BRSK2: variants seen among roughly 807,000 people sequenced by gnomAD.
The protein encoded by BRSK2 is serine/threonine-protein kinase BRSK2.
Under a neutral mutation model 83.3 loss-of-function variants are expected in BRSK2, and 19 were observed. That is an observed-to-expected ratio of 0.23 (90% CI 0.16 to 0.33). The LOEUF is 0.33. Among genes scored for constraint, BRSK2 ranks in the 10% least tolerant of loss-of-function variants. BRSK2 has a pLI of 1.00. For synonymous variants in BRSK2, 519 were observed against 435.4 expected (o/e 1.19, Z -2.39); for missense variants, 798 against 1,042.3 (o/e 0.77, Z 3.23).
chr11:1,445,979 C>T (rs992308454), intron 12 of BRSK2, 72 bp downstream of exon 12: 83 of 1,512,934 alleles, frequency 5.5e-5, no homozygotes, highest in South Asian at 1.9e-4. Context: ...CCTGGCTCAT[C>T]GCTACCCATT....
chr11:1,452,639 C>A (rs764559120), intron 15 of BRSK2, among the ~76,000 whole-genome samples: 14 of 150,970 alleles, frequency 9.3e-5, no homozygotes, highest in South Asian at 4.2e-4. Context: ...GACACCCCTT[C>A]CCAAGGGTCC....
At chr11:1,426,516 T>C (rs1319342773) in intron 1 of BRSK2, among the ~76,000 whole-genome samples, 2 of 152,148 alleles carry the variant, frequency 1.3e-5, no homozygotes, top group Admixed American at 1.3e-4. Flanking sequence ...GTCTCGAGCC[T>C]GGGTCTGTCC....
At chr11:1,405,096 T>C (rs1474995479) in intron 1 of BRSK2, among the ~76,000 whole-genome samples, 1 of 14,620 alleles carries the variant, frequency 6.8e-5, no homozygotes, top group Non-Finnish European at 1.4e-4. Flanking sequence ...CTGAGCAGCC[T>C]CCAGCCCCTC....
At position 1,454,464 on chromosome 11, in the gene BRSK2, CCT is replaced by C; in HGVS notation, c.1545-18_1545-17del. ...CGGTGCCACACCTCAATCCTCACAGCCTCTGTCTCCCACTGCCCAGGCTGGCG... is the reference window on the plus strand; with the variant it reads ...CGGTGCCACACCTCAATCCTCACAGCCTGTCTCCCACTGCCCAGGCTGGCG... On this transcript the variant is annotated intron_variant, in intron 15 of 19. Transcript: ENST00000528841. The surrounding 1 kb of genome is among the most constrained non-coding windows in gnomAD (Gnocchi z 5.2). 1.9e-6 allele frequency: 3 copies of C among 1,612,448 alleles called. No individual in the cohort carries two copies. Among genetic ancestry groups the C allele is most frequent in the Non-Finnish European group, 2.5e-6 (3 of 1,179,630 alleles).
rs1846209573 is a variant in BRSK2, at chr11:1,454,339, A to C, written c.1545-146A>C. 1.0e-6 allele frequency: 1 copy of C among 965,122 alleles called. No individual in the cohort carries two copies. The highest frequency in any genetic ancestry group is 1.6e-5 in the African/African-American group (1 of 61,738). The allele number at this position is 965,122 out of a possible 1,614,324, so 59.8% of individuals were successfully genotyped here. A position where few individuals can be genotyped will look rare whatever the true frequency, so the allele number is the denominator to read the frequency against. On this transcript the variant is annotated intron_variant, in intron 15 of 19. Transcript: ENST00000528841. The surrounding 1 kb of genome is among the most constrained non-coding windows in gnomAD (Gnocchi z 5.2). ...GGGTTAGGGCGTTGGGGTCAGGGCCATGGGTTCTGGCTAGCACTGTGGAGA... is the reference window on the plus strand; with the variant it reads ...GGGTTAGGGCGTTGGGGTCAGGGCCCTGGGTTCTGGCTAGCACTGTGGAGA...
At chr11:1,433,774 G>T (rs919287785) in intron 1 of BRSK2, among the ~76,000 whole-genome samples, 3 of 152,238 alleles carry the variant, frequency 2.0e-5, no homozygotes, top group Non-Finnish European at 2.9e-5. Flanking sequence ...AGGCCTTCAG[G>T]GAGAAGCAGC....
At chr11:1,402,640 C>T (rs1846561900) in intron 1 of BRSK2, among the ~76,000 whole-genome samples, 1 of 152,176 alleles carries the variant, frequency 6.6e-6, no homozygotes, top group Non-Finnish European at 1.5e-5. Context: ...GGAGAGGGTT[C>T]TCTAGGGCCT....
At chr11:1,446,725 G>A (rs74445935) in intron 12 of BRSK2, among the ~76,000 whole-genome samples, 5,107 of 152,310 alleles carry the variant, frequency 0.034, 214 homozygotes, top group African/African-American at 0.1. Context: ...GAGCCGGTGC[G>A]GCCTCTTGGG....
intron 7 of BRSK2, 38 bp from the exon 8 acceptor site, chr11:1,443,451 G>A: frequency 6.4e-7 from 1 of 1,569,700 alleles, no homozygotes; most frequent in Non-Finnish European, 8.6e-7. Context: ...CCCCAAACCT[G>A]CCCCCCCACG....
At chr11:1,400,128 TTAACTTTAAAA>T (rs1349879774) in intron 1 of BRSK2, among the ~76,000 whole-genome samples, 1 of 152,248 alleles carries the variant, frequency 6.6e-6, no homozygotes, top group East Asian at 1.9e-4. Flanking sequence ...TGCTGGGATT[TTAACTTTAAAA>T]GAACATTTCC....
intron 9 of BRSK2, 50 bp downstream of exon 9, chr11:1,445,052 C>A (rs369841207): frequency 1.4e-5 from 22 of 1,592,692 alleles, no homozygotes; most frequent in Non-Finnish European, 1.7e-6. Context: ...GTTGCTGTGG[C>A]CTGGAGGCCC....
At position 1,460,646 on chromosome 11, in the gene BRSK2, G is replaced by C. The variant is rs763166221; in HGVS notation, c.2134G>C (p.Gly712Arg). 1 of 1,528,732 alleles carries C rather than the reference G, an allele frequency of 6.5e-7. No individual in the cohort carries two copies. The highest frequency in any genetic ancestry group is 2.5e-5 in the East Asian group (1 of 40,566). The allele number at this position is 1,528,732 out of a possible 1,614,324, so 94.7% of individuals were successfully genotyped here. A position where few individuals can be genotyped will look rare whatever the true frequency, so the allele number is the denominator to read the frequency against. Residue 712 changes from glycine to arginine, a missense_variant, in exon 20 of 20, where the codon GGA (glycine) becomes CGA (arginine). Coordinates refer to ENST00000528841, the MANE Select transcript of BRSK2 (RefSeq NM_001256627.2). ...CTCCGCGGCCGCTGGCCCTGGCCCC[G>C]GAGGGGACGCCGAGTACCCAACGGG... is the stretch of plus-strand genomic sequence containing the variant. ...GDSAAAGPGP[G>R]GDAEYPTGKD...
intron 13 of BRSK2, 90 bp from the exon 14 acceptor site, chr11:1,450,497 C>T (rs894598259): frequency 7.7e-6 from 5 of 647,570 alleles, no homozygotes; most frequent in Middle Eastern, 2.8e-4. Context: ...CCAGCTGGCA[C>T]CACCCCTGGG....
At chr11:1,434,878 G>A (rs1188195492) in intron 1 of BRSK2, among the ~76,000 whole-genome samples, 11 of 152,158 alleles carry the variant, frequency 7.2e-5, no homozygotes, top group Admixed American at 5.9e-4. Context: ...GCTCCTGGGG[G>A]CATCTCCAGT....
At position 1,393,375 on chromosome 11, in the gene BRSK2, T is replaced by G. The variant is rs114244877; in HGVS notation, c.91+3000T>G. Among the ~76,000 whole-genome samples, 1,363 of 151,952 alleles carry G rather than the reference T, an allele frequency of 9.0e-3. 14 individuals carry two copies. Among genetic ancestry groups the G allele is most frequent in the African/African-American group, 0.023 (953 of 41,422 alleles). Reference sequence around the variant, plus strand: ...GAGGAGCTGGAGAACCTCGGGCCCTTGGAGCTGTTCTTGGGGGCAGGCGGG... The same window carrying G: ...GAGGAGCTGGAGAACCTCGGGCCCTGGGAGCTGTTCTTGGGGGCAGGCGGG... On this transcript the variant is annotated intron_variant, in intron 1 of 19. Coordinates refer to ENST00000528841, the MANE Select transcript of BRSK2 (RefSeq NM_001256627.2).
At position 1,456,358 on chromosome 11, in the gene BRSK2, T is replaced by C; in HGVS notation, c.1679T>C (p.Leu560Pro). Residue 560 changes from leucine to proline, a missense_variant, in exon 17 of 20, where the codon CTC (leucine) becomes CCC (proline). Leu to Pro is a moderately conservative substitution (Grantham distance 98). Around this residue, in one of 6 missense-constraint regions of BRSK2, gnomAD observed 455 missense variants for 455.2 expected, o/e 1.00. Transcript: ENST00000528841. ...GCTCTCTCTCCACAGATTCCCAGTC[T>C]CAGCCACAGCGTCATCTCCCAAACG... Reference protein sequence around the residue: ...IVHAFLSIPSLSHSVISQTSF... With the variant: ...IVHAFLSIPSPSHSVISQTSF... 6.4e-7 allele frequency: 1 copy of C among 1,566,382 alleles called. No individual in the cohort carries two copies. The highest frequency in any genetic ancestry group is 8.6e-7 in the Non-Finnish European group (1 of 1,156,304).
chr11:1,446,253 C>G (rs557478023), intron 12 of BRSK2, among the ~76,000 whole-genome samples: 1 of 106,114 alleles, frequency 9.4e-6, no homozygotes, highest in Admixed American at 1.3e-4. Flanking sequence ...CGCGGCTGAG[C>G]AGGGTTGAGT....
intron 1 of BRSK2, among the ~76,000 whole-genome samples, chr11:1,408,764 G>GGT (rs59441591): frequency 0.016 from 1,290 of 78,734 alleles, 21 homozygotes; most frequent in African/African-American, 0.047. Context: ...CCTGTGCAGG[G>GGT]GTGTGTGTGT....
At chr11:1,400,303 G>A (rs993360693) in intron 1 of BRSK2, among the ~76,000 whole-genome samples, 4 of 152,176 alleles carry the variant, frequency 2.6e-5, no homozygotes. Context: ...CCGGAGGCCC[G>A]GGCATGGGGT....
Sources: gnomAD v4.1 joint callset for allele counts (sites outside exome capture counted in the v4.1 genomes callset) on GRCh38, gnomAD v4.1.1 for gene constraint, gnomAD v4.1.1 regional missense constraint, Gnocchi (gnomAD v3.1) non-coding constraint, MANE v1.5 for transcripts, NCBI Gene and HGNC (gene_info 2026-07-23, HGNC 2026-07-21) for gene names.